Variants in NPLOC4 observed in about 807,000 individuals in gnomAD.
NPLOC4 encodes NPL4 homolog, ubiquitin recognition factor.
Under a neutral mutation model 80.6 loss-of-function variants are expected in NPLOC4, and 18 were observed. The ratio of observed to expected loss-of-function variants is 0.22; its 90% confidence interval spans 0.15 to 0.33. NPLOC4 has a LOEUF of 0.33. Among genes scored for constraint, NPLOC4 ranks in the 10% least tolerant of loss-of-function variants. The pLI is 1.00. For synonymous variants in NPLOC4, 313 were observed against 301.5 expected, an observed-to-expected ratio of 1.04 and a Z score of -0.39; for missense variants, 540 against 786.1, an observed-to-expected ratio of 0.69 and a Z score of 3.74.
chr17:81,604,220 GAC>G (rs1250808938), intron 8 of NPLOC4, among the ~76,000 whole-genome samples: 1 of 152,168 alleles, frequency 6.6e-6, no homozygotes, highest in Non-Finnish European at 1.5e-5. Flanking sequence ...TGGTGGAAGA[GAC>G]ACAGAATGAC....
chr17:81,576,319 CG>C (rs1378627218), intron 12 of NPLOC4, among the ~76,000 whole-genome samples: 3 of 152,170 alleles, frequency 2.0e-5, no homozygotes, highest in Non-Finnish European at 2.9e-5. Flanking sequence ...TTGCACAACG[CG>C]GGTTTGAACT....
intron 12 of NPLOC4, among the ~76,000 whole-genome samples, chr17:81,584,883 G>C (rs777369778): frequency 3.3e-5 from 5 of 152,158 alleles, no homozygotes; most frequent in Non-Finnish European, 7.4e-5. Context: ...ACATGGGAAC[G>C]AGGCCCAGCA....
intron 12 of NPLOC4, among the ~76,000 whole-genome samples, chr17:81,581,348 C>CAAAAA (rs1169351301): frequency 4.7e-4 from 4 of 8,476 alleles, no homozygotes; most frequent in Admixed American, 2.7e-3. Context: ...GACTCCAACG[C>CAAAAA]AAAAAAAAAA....
At chr17:81,623,521 G>A (rs556936330) in intron 2 of NPLOC4, among the ~76,000 whole-genome samples, 455 of 148,560 alleles carry the variant, frequency 3.1e-3, no homozygotes, top group African/African-American at 0.01. Context: ...AAACCCGGCC[G>A]GGCGCGGTGG....
intron 7 of NPLOC4, among the ~76,000 whole-genome samples, chr17:81,606,258 A>T (rs1433020946): frequency 6.6e-6 from 1 of 152,104 alleles, no homozygotes; most frequent in East Asian, 1.9e-4. Flanking sequence ...GAGGCAGGCT[A>T]CTCAGAGGCG....
chr17:81,628,797 G>A (rs2035861613), intron 2 of NPLOC4, among the ~76,000 whole-genome samples: 1 of 151,906 alleles, frequency 6.6e-6, no homozygotes, highest in Non-Finnish European at 1.5e-5. Context: ...ACTGTCATGG[G>A]AATCCTGGAC....
At chr17:81,608,908 CA>C in intron 5 of NPLOC4, 86 bp from the exon 6 acceptor site, 1 of 1,029,514 alleles carries the variant, frequency 9.7e-7, no homozygotes, top group Non-Finnish European at 1.5e-6. Flanking sequence ...AGGGGGAGGC[CA>C]GCAGCATGGC....
At chr17:81,581,540 G>A (rs908173930) in intron 12 of NPLOC4, among the ~76,000 whole-genome samples, 6 of 152,122 alleles carry the variant, frequency 3.9e-5, no homozygotes, top group African/African-American at 1.4e-4. Flanking sequence ...ATAGGTGCGA[G>A]CAGTGAGGAG....
chr17:81,574,997 A>T (rs922104787), intron 12 of NPLOC4, among the ~76,000 whole-genome samples: 1 of 152,236 alleles, frequency 6.6e-6, no homozygotes, highest in Non-Finnish European at 1.5e-5. Flanking sequence ...TGAAATCCTG[A>T]ATGTGCTGCT....
intron 2 of NPLOC4, among the ~76,000 whole-genome samples, chr17:81,628,073 A>G (rs1394118425): frequency 6.8e-6 from 1 of 147,164 alleles, no homozygotes; most frequent in East Asian, 2.1e-4. Context: ...TTAGCCAGGC[A>G]TGGTGGTGGG....
At position 81,572,131 on chromosome 17, in the gene NPLOC4, G is replaced by T. The variant is rs762994278; in HGVS notation, c.1282-43C>A. On this transcript the variant is annotated intron_variant, in intron 12 of 16. Transcript: ENST00000331134. This position sits in a 1 kb window ranked among gnomAD's most constrained non-coding sequence, Gnocchi z 4.5. ...GAACAGCGGTGAGCAAAGACGATCA[G>T]TAGTAATGATTTTCCTTTCACATGC... 2.0e-5 allele frequency: 26 copies of T among 1,290,032 alleles called. No homozygotes were observed. The Middle Eastern group carries it at 2.3e-3, about 113-fold the overall frequency. 79.9% of individuals were successfully genotyped at this position (1,290,032 alleles called of 1,614,324 possible). A position where few individuals can be genotyped will look rare whatever the true frequency, so the allele number is the denominator to read the frequency against.
At chr17:81,631,942 G>C (rs954523842) in intron 1 of NPLOC4, among the ~76,000 whole-genome samples, 13 of 151,552 alleles carry the variant, frequency 8.6e-5, no homozygotes, top group Admixed American at 6.6e-4. Flanking sequence ...TGGAATCACA[G>C]GCGCCCACCA....
Position 81,589,780 on chromosome 17 carries a change from T to C in NPLOC4, c.1121-676A>G, listed in dbSNP as rs375557101. ...TGAGAGGGCAGGGCGGGAGGACTGC[T>C]TGAGCCCAGGAGTTTGAGACCAGTC... On this transcript the variant is annotated intron_variant, in intron 11 of 16. Coordinates refer to ENST00000331134, the MANE Select transcript of NPLOC4 (RefSeq NM_017921.4). 5.0e-3 allele frequency among the ~76,000 whole-genome samples: 759 copies of C among 151,920 alleles called. 5 individuals are homozygous for C. The highest frequency in any genetic ancestry group is 0.031 in the South Asian group (147 of 4,792).
At chr17:81,607,226 T>TA (rs1276011482) in intron 6 of NPLOC4, among the ~76,000 whole-genome samples, 1 of 152,206 alleles carries the variant, frequency 6.6e-6, no homozygotes, top group African/African-American at 2.4e-5. Flanking sequence ...TAGATATTTG[T>TA]AAAAAATTCT....
rs961790048 is a variant in NPLOC4, at chr17:81,571,278, C to T, written c.1353+739G>A. Among the ~76,000 whole-genome samples the T allele has an allele frequency of 2.6e-5, 4 of 152,326 alleles. No homozygotes were observed. In the East Asian group the frequency reaches 7.7e-4, roughly 29 times the overall value. ...GCATAGGAAATGAGCCGCCTCCCGT[C>T]CGCTTTGGACAGAGCTCCGGTGGGG... On this transcript the variant is annotated intron_variant, in intron 13 of 16. Coordinates refer to ENST00000331134, the MANE Select transcript of NPLOC4 (RefSeq NM_017921.4).
chr17:81,577,769 G>A lies in NPLOC4; in HGVS notation c.1282-5681C>T, dbSNP rs2034340361. On this transcript the variant is annotated intron_variant, in intron 12 of 16. Coordinates refer to ENST00000331134, the MANE Select transcript of NPLOC4 (RefSeq NM_017921.4). This position sits in a 1 kb window ranked among gnomAD's most constrained non-coding sequence, Gnocchi z 4.3. The stretch of plus-strand genomic sequence containing the variant: ...TGCCAACCCTGCTCCCCAAAACCAG[G>A]AACCTGGCTTGAGCCTGTGCTCCTC... Among the ~76,000 whole-genome samples the A allele has an allele frequency of 6.6e-6, 1 of 151,990 alleles. No individual in the cohort carries two copies.
rs71373092 is a variant in NPLOC4, at chr17:81,610,844, C to T, written c.387-586G>A. On this transcript the variant is annotated intron_variant, in intron 4 of 16. Transcript: ENST00000331134. ...GCGGGCGCCTGTAGTCCCAGCTACT[C>T]GGGAGGCTGAGGCAGGAGAATGGCG... 6.0e-5 allele frequency among the ~76,000 whole-genome samples: 5 copies of T among 82,760 alleles called. 2 individuals carry two copies. In the South Asian group the frequency reaches 1.4e-3, roughly 23 times the overall value. 54.3% of individuals were successfully genotyped at this position (82,760 alleles called of 152,430 possible). A position where few individuals can be genotyped will look rare whatever the true frequency, so the allele number is the denominator to read the frequency against.
In NPLOC4 at chr17:81,627,907, G is replaced by A. The variant is rs150410776; in HGVS notation, c.96+1818C>T. ...GCCGAGATCACGCCACCACATTCCA[G>A]CCTGGGCGACAGAAAAAGACTCCAT... On this transcript the variant is annotated intron_variant, in intron 2 of 16. Transcript: ENST00000331134. Among the ~76,000 whole-genome samples, 13 of 152,166 alleles carry A rather than the reference G, an allele frequency of 8.5e-5. 1 individual carries two copies. In the East Asian group the frequency reaches 2.5e-3, roughly 30 times the overall value.
chr17:81,589,698 A>C (rs78912734), intron 11 of NPLOC4, among the ~76,000 whole-genome samples: 20 of 152,100 alleles, frequency 1.3e-4, no homozygotes, highest in African/African-American at 4.8e-4. Context: ...CAAGACTGTT[A>C]AACTTTTGAA....
Sources: gnomAD v4.1 joint callset for allele counts (sites outside exome capture counted in the v4.1 genomes callset) on GRCh38, gnomAD v4.1.1 for gene constraint, Gnocchi (gnomAD v3.1) non-coding constraint, MANE v1.5 for transcripts, NCBI Gene and HGNC (gene_info 2026-07-23, HGNC 2026-07-21) for gene names.